Variants in MCPH1 observed in about 807,000 individuals in gnomAD.
MCPH1 encodes microcephalin.
A neutral mutation model predicts 84.5 loss-of-function variants in MCPH1; 104 were observed. The observed-to-expected ratio is 1.23, with a 90% CI of 1.05 to 1.45. The LOEUF (loss-of-function observed/expected upper bound fraction) is 1.45, where lower values mean the gene tolerates loss of function less well. Ranked by LOEUF, MCPH1 falls within the 40% of genes most tolerant of loss-of-function variation. The probability of loss-of-function intolerance (pLI) is 0.00; values close to 1 mark genes in which losing one functional copy is unlikely to be tolerated. For synonymous variants in MCPH1, 514 were observed against 366.8 expected, an observed-to-expected ratio of 1.40 and a Z score of -4.58; for missense variants, 1,498 against 1,005.7, an observed-to-expected ratio of 1.49 and a Z score of -6.62.
Position 6,643,676 on chromosome 8 carries a change from T to G in MCPH1, c.*627T>G, listed in dbSNP as rs144885318. On this transcript the variant is annotated 3_prime_UTR_variant, in exon 14 of 14. Coordinates refer to ENST00000344683, the MANE Select transcript of MCPH1 (RefSeq NM_024596.5). ...TAGAGAACTCTGCAAGTTTCTTGGC[T>G]TAGACTCGATCTTTATTAATACATT... 64 of 155,430 alleles carry G rather than the reference T, an allele frequency of 4.1e-4. No individual in the cohort carries two copies. The highest frequency in any genetic ancestry group is 1.2e-3 in the African/African-American group (49 of 41,598). The allele number at this position is 155,430 out of a possible 1,614,324, so 9.6% of individuals were successfully genotyped here.
intron 13 of MCPH1, chr8:6,642,591 C>T: frequency 3.2e-6 from 1 of 316,382 alleles, no homozygotes; most frequent in South Asian, 3.1e-5. Context: ...AATTAAAACT[C>T]ATATATGTAT....
At chr8:6,455,613 T>G (rs773731980) in intron 9 of MCPH1, among the ~76,000 whole-genome samples, 5 of 152,210 alleles carry the variant, frequency 3.3e-5, no homozygotes, top group South Asian at 2.1e-4. Context: ...CATTCACTTT[T>G]GAACTAACCA....
At chr8:6,460,551 A>C (rs1327138963) in intron 9 of MCPH1, among the ~76,000 whole-genome samples, 1 of 152,050 alleles carries the variant, frequency 6.6e-6, no homozygotes, top group Admixed American at 6.5e-5. Context: ...TTCTCTGTCA[A>C]AATTATTAAT....
intron 12 of MCPH1, among the ~76,000 whole-genome samples, chr8:6,505,603 T>G (rs1357127819): frequency 3.1e-5 from 4 of 127,590 alleles, no homozygotes; most frequent in Non-Finnish European, 6.3e-5. Context: ...ATATGGAATA[T>G]ATATATTCTT....
At chr8:6,480,679 C>A in intron 10 of MCPH1, 35 bp from the exon 11 acceptor site, 1 of 1,612,014 alleles carries the variant, frequency 6.2e-7, no homozygotes, top group South Asian at 1.1e-5. Context: ...GCAACAAAGT[C>A]ATTCATTTTG....
At chr8:6,609,825 C>CG (rs1554476406) in intron 12 of MCPH1, among the ~76,000 whole-genome samples, 7 of 128,812 alleles carry the variant, frequency 5.4e-5, no homozygotes, top group East Asian at 2.0e-4. Context: ...CCCCGCCCCC[C>CG]CCCCACACAC....
At chr8:6,529,405 G>A (rs543936209) in intron 12 of MCPH1, among the ~76,000 whole-genome samples, 2 of 151,608 alleles carry the variant, frequency 1.3e-5, no homozygotes, top group Admixed American at 1.3e-4. Flanking sequence ...AACAGAGTGG[G>A]TACATAATTC....
intron 12 of MCPH1, among the ~76,000 whole-genome samples, chr8:6,526,684 G>C (rs1205517577): frequency 6.6e-6 from 1 of 152,110 alleles, no homozygotes; most frequent in African/African-American, 2.4e-5. Context: ...TGAACAAGAA[G>C]TTTATCATTT....
intron 13 of MCPH1, among the ~76,000 whole-genome samples, chr8:6,639,986 A>T (rs945383379): frequency 1.3e-5 from 2 of 151,094 alleles, no homozygotes; most frequent in African/African-American, 4.9e-5. Context: ...CAGTCCTCCC[A>T]CCTTAGCCTC....
Position 6,480,845 on chromosome 8 carries a change from C to A in MCPH1, c.2105C>A (p.Ala702Glu). The A allele has an allele frequency of 6.2e-7, 1 of 1,614,134 alleles. No homozygotes were observed. Among genetic ancestry groups the A allele is most frequent in the Non-Finnish European group, 8.5e-7 (1 of 1,180,026 alleles). Residue 702 changes from alanine (A) to glutamate (E), a missense_variant, in exon 11 of 14, where the codon GCG becomes GAG. Ala to Glu is a moderately radical substitution (Grantham distance 107, BLOSUM62 -1). Transcript: ENST00000344683. Reference protein sequence around the residue: ...LRTLNVLLGIARGCWVLSYDW... With the variant: ...LRTLNVLLGIERGCWVLSYDW... ...ACCCTGAATGTGCTGCTGGGAATTGCGCGTGGCTGCTGGGTTCTCTCTTAT... is the reference window on the plus strand; with the variant it reads ...ACCCTGAATGTGCTGCTGGGAATTGAGCGTGGCTGCTGGGTTCTCTCTTAT...
chr8:6,539,027 G>A (rs1026016702), intron 12 of MCPH1, among the ~76,000 whole-genome samples: 3 of 64,846 alleles, frequency 4.6e-5, no homozygotes, highest in African/African-American at 1.6e-4. Flanking sequence ...TTAGAGTTGG[G>A]CTTGTGTGTG....
intron 12 of MCPH1, chr8:6,616,203 A>T (rs1371063404): frequency 6.6e-6 from 1 of 152,116 alleles, no homozygotes; most frequent in Admixed American, 6.5e-5. Flanking sequence ...CATTGTTGAG[A>T]TGGGAAAGTG....
chr8:6,414,278 G>C (rs1308999119), intron 2 of MCPH1, among the ~76,000 whole-genome samples: 5 of 152,248 alleles, frequency 3.3e-5, no homozygotes, highest in Admixed American at 1.3e-4. Context: ...AAAGTGCTGG[G>C]ATTACAGGCA....
intron 12 of MCPH1, among the ~76,000 whole-genome samples, chr8:6,505,200 A>G (rs1435856204): frequency 8.5e-6 from 1 of 117,662 alleles, no homozygotes; most frequent in Non-Finnish European, 1.7e-5. Context: ...ATTCTTATGT[A>G]TATATAGAAT....
In MCPH1 at chr8:6,423,393, C is replaced by A. The variant is rs867658105; in HGVS notation, c.234-8106C>A. Reference sequence around the variant, plus strand: ...TGTTAGCCAGGATGGTCTCCATCTCCTGATCTTGTGATCCGCCCGCCTCGG... The same window carrying A: ...TGTTAGCCAGGATGGTCTCCATCTCATGATCTTGTGATCCGCCCGCCTCGG... On this transcript the variant is annotated intron_variant, in intron 3 of 13. Coordinates refer to ENST00000344683, the MANE Select transcript of MCPH1 (RefSeq NM_024596.5). 5.8e-4 allele frequency among the ~76,000 whole-genome samples: 88 copies of A among 150,430 alleles called. 1 individual carries two copies. Among genetic ancestry groups the A allele is most frequent in the Middle Eastern group, 7.3e-3 (2 of 274 alleles).
In MCPH1 at chr8:6,642,839, G is replaced by C. The variant is rs1045390170; in HGVS notation, c.2453-155G>C. 5 of 711,528 alleles carry C rather than the reference G, an allele frequency of 7.0e-6. No homozygotes were observed. In the Admixed American group the frequency reaches 1.0e-4, roughly 14 times the overall value. The allele number at this position is 711,528 out of a possible 1,614,324, so 44.1% of individuals were successfully genotyped here. Reference sequence around the variant, plus strand: ...ATTTCGTTTCACGTTAATTTAAAAAGGTATGTGTGCTCTATGGACGTGGGG... The same window carrying C: ...ATTTCGTTTCACGTTAATTTAAAAACGTATGTGTGCTCTATGGACGTGGGG... On this transcript the variant is annotated intron_variant, in intron 13 of 13. Transcript: ENST00000344683.
intron 12 of MCPH1, among the ~76,000 whole-genome samples, chr8:6,530,837 A>T (rs1025825394): frequency 1.3e-5 from 2 of 152,188 alleles, no homozygotes; most frequent in African/African-American, 4.8e-5. Flanking sequence ...CAATGAAAGA[A>T]CAGCTGTGTC....
chr8:6,627,907 T>TTA (rs5889180), intron 13 of MCPH1, among the ~76,000 whole-genome samples: 15,777 of 151,080 alleles, frequency 0.1, 1,177 homozygotes, highest in East Asian at 0.25. Flanking sequence ...ATATATGTGT[T>TTA]TATATATATA....
chr8:6,608,862 C>G (rs1360419050), intron 12 of MCPH1, among the ~76,000 whole-genome samples: 2 of 152,180 alleles, frequency 1.3e-5, no homozygotes, highest in African/African-American at 4.8e-5. Context: ...ATGCCTAGGC[C>G]TCACCACCCT....
Sources: gnomAD v4.1 joint callset for allele counts (sites outside exome capture counted in the v4.1 genomes callset) on GRCh38, gnomAD v4.1.1 for gene constraint, MANE v1.5 for transcripts, NCBI Gene and HGNC (gene_info 2026-07-23, HGNC 2026-07-21) for gene names.